SUGP2: variants seen among roughly 807,000 people sequenced by gnomAD.
SUGP2 encodes the protein SURP and G-patch domain containing 2.
A neutral mutation model predicts 90.5 loss-of-function variants in SUGP2; 24 were observed. That is an observed-to-expected ratio of 0.27 (90% CI 0.19 to 0.37). The LOEUF (loss-of-function observed/expected upper bound fraction) is 0.37. Ranked by LOEUF, SUGP2 falls within the 10% of genes least tolerant of loss-of-function variation. SUGP2 has a pLI of 1.00. For synonymous variants in SUGP2, 473 were observed against 513.4 expected (o/e 0.92, Z 1.06); for missense variants, 1,233 against 1,363.3 (o/e 0.90, Z 1.51).
At chr19:19,033,235 CTGCGGGCGAGGAAATGGGGGCG>C in intron 1 of SUGP2, 180 bp downstream of exon 1, 1 of 401,688 alleles carries the variant, frequency 2.5e-6, no homozygotes, top group Non-Finnish European at 3.5e-6. Flanking sequence ...CTCCCGGCCT[CTGCGGGCGAGGAAATGGGGGCG>C]CCGGGCCCGG....
intron 9 of SUGP2, 144 bp from the exon 10 acceptor site, chr19:18,994,630 G>A (rs963243942): frequency 9.3e-6 from 11 of 1,178,178 alleles, no homozygotes; most frequent in African/African-American, 7.7e-5. Flanking sequence ...ATCAAGACGC[G>A]ACTCACAGTA....
intron 8 of SUGP2, among the ~76,000 whole-genome samples, chr19:18,998,651 T>C (rs530001936): frequency 2.0e-5 from 3 of 152,080 alleles, no homozygotes; most frequent in Admixed American, 2.0e-4. Flanking sequence ...TGTGTGTATC[T>C]TGTGTGTGTG....
At chr19:19,031,158 G>C in intron 1 of SUGP2, 76 bp from the exon 2 acceptor site, 1 of 1,505,404 alleles carries the variant, frequency 6.6e-7, no homozygotes, top group Non-Finnish European at 8.9e-7. Context: ...CTGTAATCCT[G>C]GCACTTTGGG....
At chr19:18,996,764 C>G (rs1374070615) in intron 8 of SUGP2, among the ~76,000 whole-genome samples, 1 of 152,174 alleles carries the variant, frequency 6.6e-6, no homozygotes, top group African/African-American at 2.4e-5. Context: ...GTTAACCATG[C>G]TGGTCTTGAT....
chr19:18,995,333 A>G lies in SUGP2; in HGVS notation c.2992-53T>C, dbSNP rs2057532710. 3 of 1,545,140 alleles carry G rather than the reference A, an allele frequency of 1.9e-6. No homozygotes were observed. The East Asian group carries it at 6.8e-5, about 35-fold the overall frequency. The stretch of plus-strand genomic sequence containing the variant: ...TGGGCCACAGGGAGATGCCTGGATC[A>G]AGGGTCTGTCCTAGGCTATGCCTGG... On this transcript the variant is annotated intron_variant, in intron 8 of 10. Transcript: ENST00000452918.
At chr19:19,030,329 C>A (rs987153318) in intron 2 of SUGP2, among the ~76,000 whole-genome samples, 3 of 151,578 alleles carry the variant, frequency 2.0e-5, no homozygotes, top group Non-Finnish European at 4.4e-5. Flanking sequence ...ATCTCTACTA[C>A]AAATAGAAAA....
Position 19,010,360 on chromosome 19 carries a change from C to CA in SUGP2, c.1851-19dup. 1 of 1,598,686 alleles carries CA rather than the reference C, an allele frequency of 6.3e-7. No individual in the cohort carries two copies. The highest frequency in any genetic ancestry group is 8.5e-7 in the Non-Finnish European group (1 of 1,174,526). On this transcript the variant is annotated intron_variant, in intron 4 of 10. Coordinates refer to ENST00000452918, the MANE Select transcript of SUGP2 (RefSeq NM_001017392.5). ...ACAAAAACCTAGATAACAAAACAAG[C>CA]ATAACGGGACATTTATGAAAACACC... is the stretch of plus-strand genomic sequence containing the variant.
At chr19:19,004,723 G>T in intron 6 of SUGP2, 77 bp from the exon 7 acceptor site, 1 of 1,255,538 alleles carries the variant, frequency 8.0e-7, no homozygotes, top group Non-Finnish European at 1.1e-6. Context: ...TGCTGGGATT[G>T]ATCCAAGGAA....
At chr19:19,017,641 G>C (rs1015279394) in intron 4 of SUGP2, among the ~76,000 whole-genome samples, 1 of 152,056 alleles carries the variant, frequency 6.6e-6, no homozygotes. Flanking sequence ...GTGTGGTGGC[G>C]GGCACCTGTA....
At chr19:19,012,531 G>A (rs1451543537) in intron 4 of SUGP2, among the ~76,000 whole-genome samples, 1 of 152,186 alleles carries the variant, frequency 6.6e-6, no homozygotes, top group Non-Finnish European at 1.5e-5. Context: ...TCAAATCTCA[G>A]CATAGCCACT....
At chr19:19,012,030 GAAGT>G (rs2058330972) in intron 4 of SUGP2, among the ~76,000 whole-genome samples, 1 of 152,172 alleles carries the variant, frequency 6.6e-6, no homozygotes, top group Admixed American at 6.5e-5. Context: ...AAGCCAACTA[GAAGT>G]AAGGTGGCTG....
intron 3 of SUGP2, among the ~76,000 whole-genome samples, chr19:19,021,264 A>G (rs1341721713): frequency 6.6e-6 from 1 of 151,974 alleles, no homozygotes; most frequent in Non-Finnish European, 1.5e-5. Flanking sequence ...TGTTCTGTAA[A>G]TGATTGCATA....
chr19:19,033,803 GTC>G (rs1406371015), upstream of SUGP2: 3 of 251,658 alleles, frequency 1.2e-5, no homozygotes, highest in African/African-American at 2.3e-5. Flanking sequence ...GCGTCCGCGA[GTC>G]TCTGGGAGGC....
At chr19:19,010,770 G>A (rs994499411) in intron 4 of SUGP2, among the ~76,000 whole-genome samples, 1 of 152,156 alleles carries the variant, frequency 6.6e-6, no homozygotes, top group Non-Finnish European at 1.5e-5. Flanking sequence ...AGGAGCCTGC[G>A]GCCCAGGTGT....
At position 18,993,013 on chromosome 19, in the gene SUGP2, T is replaced by C. The variant is rs2057428425; in HGVS notation, c.*728A>G. On this transcript the variant is annotated 3_prime_UTR_variant, in exon 11 of 11. Transcript: ENST00000452918. ...GCGAAAAGTGCAGAGTCTCAGAGGG[T>C]TTACAACCCCCATCCCTTTGTAACT... 6.6e-6 allele frequency: 1 copy of C among 151,728 alleles called. No individual in the cohort carries two copies. Among genetic ancestry groups the C allele is most frequent in the African/African-American group, 2.4e-5 (1 of 41,248 alleles). 9.4% of individuals were successfully genotyped at this position (151,728 alleles called of 1,614,324 possible).
At chr19:18,996,845 T>A (rs941439861) in intron 8 of SUGP2, among the ~76,000 whole-genome samples, 1 of 152,140 alleles carries the variant, frequency 6.6e-6, no homozygotes, top group African/African-American at 2.4e-5. Context: ...CATGAGCCAC[T>A]GCGCCTGGCT....
intron 4 of SUGP2, among the ~76,000 whole-genome samples, chr19:19,015,631 G>A (rs2145566512): frequency 6.6e-6 from 1 of 152,224 alleles, no homozygotes; most frequent in Admixed American, 6.5e-5. Context: ...GGTCTCCCAA[G>A]TAGCTGGGAT....
Position 19,025,275 on chromosome 19 carries a change from T to A in SUGP2, c.1073A>T (p.Glu358Val). 1 of 1,613,494 alleles carries A rather than the reference T, an allele frequency of 6.2e-7. No individual in the cohort carries two copies. Among genetic ancestry groups the A allele is most frequent in the Non-Finnish European group, 8.5e-7 (1 of 1,180,008 alleles). The change falls in exon 3 of 11, where the codon GAA becomes GTA. Residue 358 changes from glutamate (E) to valine (V), a missense_variant. This residue lies in a region of SUGP2 where 55 missense variants were observed against 82.0 expected (regional missense o/e 0.67). Transcript: ENST00000452918. The part of the protein sequence containing the change: ...SQLFQTLFEL[E>V]TETCAKMLAS... The stretch of plus-strand genomic sequence containing the variant: ...AAGCATTTTAGCACAGGTTTCTGTT[T>A]CAAGTTCAAAGAGAGTCTGGAAAAG...
intron 2 of SUGP2, among the ~76,000 whole-genome samples, chr19:19,030,509 C>T (rs981146593): frequency 2.6e-5 from 4 of 151,972 alleles, no homozygotes; most frequent in East Asian, 1.9e-4. Flanking sequence ...AGTGAAACTC[C>T]GTCTCAAAAC....
Sources: gnomAD v4.1 joint callset for allele counts (sites outside exome capture counted in the v4.1 genomes callset) on GRCh38, gnomAD v4.1.1 for gene constraint, gnomAD v4.1.1 regional missense constraint, MANE v1.5 for transcripts, NCBI Gene and HGNC (gene_info 2026-07-23, HGNC 2026-07-21) for gene names.